GRM7: variants seen among roughly 807,000 people sequenced by gnomAD.
The protein encoded by GRM7 is metabotropic glutamate receptor 7.
GRM7 carries 35 observed loss-of-function variants against 84.5 expected under a neutral mutation model. The ratio of observed to expected loss-of-function variants is 0.41; its 90% CI spans 0.32 to 0.55. The LOEUF (loss-of-function observed/expected upper bound fraction) is 0.55, where lower values mean the gene tolerates loss of function less well. Among genes scored for constraint, GRM7 ranks in the 20% least tolerant of loss-of-function variants. GRM7 has a pLI of 0.19. For synonymous variants in GRM7, 487 were observed against 455.1 expected (o/e 1.07, Z -0.89); for missense variants, 1,003 against 1,194.6 (o/e 0.84, Z 2.36).
chr3:7,042,655 G>T (rs566579140), intron 1 of GRM7, among the ~76,000 whole-genome samples: 2 of 145,340 alleles, frequency 1.4e-5, no homozygotes, highest in African/African-American at 2.6e-5. Flanking sequence ...TTTTAGTTTT[G>T]CTCTCTAAAA....
intron 7 of GRM7, among the ~76,000 whole-genome samples, chr3:7,553,705 T>C (rs1374667343): frequency 2.0e-5 from 3 of 152,162 alleles, no homozygotes; most frequent in Non-Finnish European, 4.4e-5. Flanking sequence ...CATGAGAATG[T>C]ACTTACTCTC....
chr3:7,179,365 A>G (rs1267712159), intron 2 of GRM7, among the ~76,000 whole-genome samples: 1 of 152,142 alleles, frequency 6.6e-6, no homozygotes, highest in Non-Finnish European at 1.5e-5. Flanking sequence ...TATGCAAGTG[A>G]CTCTACTACT....
chr3:7,193,805 A>C (rs1695794227), intron 2 of GRM7, among the ~76,000 whole-genome samples: 1 of 152,068 alleles, frequency 6.6e-6, no homozygotes, highest in African/African-American at 2.4e-5. Context: ...AACATATAGA[A>C]ATTTTTTTCA....
At chr3:7,119,897 T>C (rs1374168822) in intron 1 of GRM7, among the ~76,000 whole-genome samples, 1 of 152,096 alleles carries the variant, frequency 6.6e-6, no homozygotes, top group East Asian at 1.9e-4. Flanking sequence ...TTTCCTCCCA[T>C]TGTAATATGT....
chr3:7,047,739 C>T (rs1253134812), intron 1 of GRM7, among the ~76,000 whole-genome samples: 1 of 152,072 alleles, frequency 6.6e-6, no homozygotes, highest in Non-Finnish European at 1.5e-5. Flanking sequence ...CTCGATAGAA[C>T]ATTCACTCAT....
At chr3:7,042,751 G>C (rs1696673942) in intron 1 of GRM7, among the ~76,000 whole-genome samples, 1 of 151,960 alleles carries the variant, frequency 6.6e-6, no homozygotes, top group African/African-American at 2.4e-5. Context: ...ATGGAATACA[G>C]TTCTGTTTTA....
intron 1 of GRM7, among the ~76,000 whole-genome samples, chr3:7,103,661 C>T (rs1333453848): frequency 6.6e-6 from 1 of 151,708 alleles, no homozygotes; most frequent in African/African-American, 2.4e-5. Context: ...TATATACTAA[C>T]ATTTGATTGC....
chr3:7,195,841 C>T (rs1239183636), intron 2 of GRM7, among the ~76,000 whole-genome samples: 1 of 152,148 alleles, frequency 6.6e-6, no homozygotes, highest in Admixed American at 6.6e-5. Context: ...CAGTTACCTA[C>T]AGTGGCTTCC....
intron 8 of GRM7, among the ~76,000 whole-genome samples, chr3:7,670,028 AC>A (rs1176913856): frequency 6.6e-6 from 1 of 152,094 alleles, no homozygotes; most frequent in Non-Finnish European, 1.5e-5. Flanking sequence ...GGGCAATTCA[AC>A]TAGCCTAGGT....
At chr3:7,692,566 T>G (rs1700847276) in intron 9 of GRM7, among the ~76,000 whole-genome samples, 1 of 152,188 alleles carries the variant, frequency 6.6e-6, no homozygotes, top group African/African-American at 2.4e-5. Context: ...TCATGATCAT[T>G]TGCAACAATT....
chr3:7,147,432 C>T (rs1057358542), intron 2 of GRM7, among the ~76,000 whole-genome samples: 20 of 147,860 alleles, frequency 1.4e-4, no homozygotes, highest in African/African-American at 4.8e-4. Flanking sequence ...TTCCCACACT[C>T]TTCTTATGTT....
At chr3:7,156,818 T>C (rs2125075034) in intron 2 of GRM7, among the ~76,000 whole-genome samples, 1 of 152,284 alleles carries the variant, frequency 6.6e-6, no homozygotes, top group East Asian at 1.9e-4. Flanking sequence ...TTAATCAACG[T>C]GAATTTTTTT....
intron 8 of GRM7, among the ~76,000 whole-genome samples, chr3:7,589,304 C>T (rs957637787): frequency 2.0e-5 from 3 of 152,222 alleles, no homozygotes; most frequent in Admixed American, 6.5e-5. Flanking sequence ...TAAAGAACCA[C>T]ATAGATGTTT....
chr3:7,113,772 C>G (rs145626060), intron 1 of GRM7, among the ~76,000 whole-genome samples: 468 of 152,214 alleles, frequency 3.1e-3, no homozygotes, highest in Middle Eastern at 0.01. Context: ...AACTCATGAG[C>G]CATCACCAGA....
Position 7,507,979 on chromosome 3 carries a change from A to G in GRM7, c.1515+46257A>G, listed in dbSNP as rs569903857. The stretch of plus-strand genomic sequence containing the variant: ...CTCCTCTTCCTCTATGCTTACTCCA[A>G]GAATAAATATGTGGCTTCTGAGAGC... On this transcript the variant is annotated intron_variant, in intron 7 of 9. Coordinates refer to ENST00000357716, the MANE Select transcript of GRM7 (RefSeq NM_000844.4). Among the ~76,000 whole-genome samples, 20 of 152,342 alleles carry G rather than the reference A, an allele frequency of 1.3e-4. No individual in the cohort carries two copies. The South Asian group carries it at 1.9e-3, about 14-fold the overall frequency.
intron 1 of GRM7, among the ~76,000 whole-genome samples, chr3:6,890,931 A>G (rs927568149): frequency 3.9e-5 from 6 of 152,022 alleles, no homozygotes; most frequent in African/African-American, 1.2e-4. Flanking sequence ...TTGGGTGTAT[A>G]TATATTTAGG....
chr3:6,942,258 A>C (rs1273980466), intron 1 of GRM7, among the ~76,000 whole-genome samples: 1 of 152,150 alleles, frequency 6.6e-6, no homozygotes, highest in African/African-American at 2.4e-5. Context: ...ATTAAAAGAT[A>C]TAATATATCT....
At chr3:7,453,629 T>A (rs1345422622) in intron 6 of GRM7, among the ~76,000 whole-genome samples, 3 of 152,136 alleles carry the variant, frequency 2.0e-5, no homozygotes, top group Admixed American at 2.0e-4. Context: ...ATTTGGGGTG[T>A]GCTGGCCTCC....
chr3:6,909,942 G>T (rs1696708859), intron 1 of GRM7, among the ~76,000 whole-genome samples: 1 of 151,986 alleles, frequency 6.6e-6, no homozygotes, highest in Admixed American at 6.6e-5. Flanking sequence ...ATGTCTAATT[G>T]AGAGCCTTTC....
Sources: gnomAD v4.1 joint callset for allele counts (sites outside exome capture counted in the v4.1 genomes callset) on GRCh38, gnomAD v4.1.1 for gene constraint, MANE v1.5 for transcripts, NCBI Gene and HGNC (gene_info 2026-07-23, HGNC 2026-07-21) for gene names.